The following ZC2HC1B variants were observed in gnomAD, a reference collection of about 807,000 sequenced individuals.
ZC2HC1B encodes the protein zinc finger C2HC-type containing 1B.
Under a neutral mutation model 31.0 loss-of-function variants are expected in ZC2HC1B, and 36 were observed. That is an observed-to-expected ratio of 1.16 (90% CI 0.89 to 1.54). ZC2HC1B has a LOEUF of 1.54. ZC2HC1B is among the 40% of genes most tolerant of loss of function. ZC2HC1B has a pLI of 0.00. For missense variants in ZC2HC1B, 260 were observed against 268.6 expected (o/e 0.97, Z 0.22); for synonymous variants, 73 against 88.0 (o/e 0.83, Z 0.95).
In ZC2HC1B at chr6:143,913,212, G is replaced by T. The variant is rs1432553528; in HGVS notation, c.598+10060G>T. On this transcript the variant is annotated intron_variant, in intron 6 of 7. Transcript: ENST00000237275. This position sits in a 1 kb window ranked among gnomAD's most constrained non-coding sequence, Gnocchi z 5.7. Reference sequence around the variant, plus strand: ...ATGTGCAGGCAGGTGTGGCTGGAGTGTCCAGCTAGAAGGTTCTACCCAGTG... The same window carrying T: ...ATGTGCAGGCAGGTGTGGCTGGAGTTTCCAGCTAGAAGGTTCTACCCAGTG... Among the ~76,000 whole-genome samples, 5 of 152,162 alleles carry T rather than the reference G, an allele frequency of 3.3e-5. No individual in the cohort carries two copies. The East Asian group carries it at 9.7e-4, about 29-fold the overall frequency.
chr6:143,897,595 C>G (rs1777682306), intron 4 of ZC2HC1B, among the ~76,000 whole-genome samples: 1 of 151,256 alleles, frequency 6.6e-6, no homozygotes, highest in Non-Finnish European at 1.5e-5. Flanking sequence ...GGTGAACTTT[C>G]CTATCATCCC....
chr6:143,926,800 A>C (rs1459878734), intron 6 of ZC2HC1B, among the ~76,000 whole-genome samples: 1 of 146,556 alleles, frequency 6.8e-6, no homozygotes, highest in Non-Finnish European at 1.5e-5. Flanking sequence ...TCTGGTGTTA[A>C]GTTCATATAT....
chr6:143,935,944 CT>C (rs1365305486), intron 6 of ZC2HC1B, among the ~76,000 whole-genome samples: 4 of 152,022 alleles, frequency 2.6e-5, no homozygotes, highest in African/African-American at 7.2e-5. Context: ...GCCACTGCCC[CT>C]GTCTTCTTTT....
chr6:143,886,654 G>A lies in ZC2HC1B; in HGVS notation c.211-29G>A. 3 of 1,509,862 alleles carry A rather than the reference G, an allele frequency of 2.0e-6. No individual in the cohort carries two copies. The highest frequency in any genetic ancestry group is 2.5e-5 in the East Asian group (1 of 39,294). 93.5% of individuals were successfully genotyped at this position (1,509,862 alleles called of 1,614,324 possible). ...GTAATGGAGAGGTATATAGTCTAGG[G>A]TATTATTTGTTGGTTTTATTTTTTA... On this transcript the variant is annotated intron_variant, in intron 3 of 7. Coordinates refer to ENST00000237275, the MANE Select transcript of ZC2HC1B (RefSeq NM_001013623.3). The surrounding 1 kb of genome is among the most constrained non-coding windows in gnomAD (Gnocchi z 4.2).
Position 143,911,570 on chromosome 6 carries a change from T to C in ZC2HC1B, c.598+8418T>C, listed in dbSNP as rs1777856590. 6.6e-6 allele frequency among the ~76,000 whole-genome samples: 1 copy of C among 152,222 alleles called. No individual in the cohort carries two copies. ...ATGAAATTCTGGGTTGGAAATTCTT[T>C]TCTTTAAGAATGTTGAATTTTGGCC... On this transcript the variant is annotated intron_variant, in intron 6 of 7. Transcript: ENST00000237275. This position sits in a 1 kb window ranked among gnomAD's most constrained non-coding sequence, Gnocchi z 4.5.
In ZC2HC1B at chr6:143,872,828, C is replaced by A. The variant is rs943661270; in HGVS notation, c.28+8261C>A. ...CCATTTAGTTATCTTCCTCTGGGTC[C>A]CTCCCACAACACACAAGAATTCTGG... On this transcript the variant is annotated intron_variant, in intron 1 of 7. Coordinates refer to ENST00000237275, the MANE Select transcript of ZC2HC1B (RefSeq NM_001013623.3). The surrounding 1 kb of genome is among the most constrained non-coding windows in gnomAD (Gnocchi z 5.5). 2.6e-5 allele frequency among the ~76,000 whole-genome samples: 4 copies of A among 152,076 alleles called. No individual in the cohort carries two copies. The highest frequency in any genetic ancestry group is 2.0e-4 in the Admixed American group (3 of 15,268).
chr6:143,886,611 C>T lies in ZC2HC1B; in HGVS notation c.211-72C>T. 7.5e-7 allele frequency: 1 copy of T among 1,340,864 alleles called. No individual in the cohort carries two copies. The highest frequency in any genetic ancestry group is 9.7e-7 in the Non-Finnish European group (1 of 1,034,558). 83.1% of individuals were successfully genotyped at this position (1,340,864 alleles called of 1,614,324 possible). On this transcript the variant is annotated intron_variant, in intron 3 of 7. Coordinates refer to ENST00000237275, the MANE Select transcript of ZC2HC1B (RefSeq NM_001013623.3). The surrounding 1 kb of genome is among the most constrained non-coding windows in gnomAD (Gnocchi z 4.2). ...GTTCTGTTTCCTGTGAATTCAAATT[C>T]CAGCTTTAAACAAAATTGTAATGGA...
intron 1 of ZC2HC1B, 43 bp downstream of exon 1, chr6:143,864,610 T>A: frequency 6.5e-7 from 1 of 1,547,654 alleles, no homozygotes; most frequent in Non-Finnish European, 8.7e-7. Flanking sequence ...AATGCCTTCA[T>A]CTGTAATCAT....
At chr6:143,920,056 C>A (rs999454609) in intron 6 of ZC2HC1B, among the ~76,000 whole-genome samples, 3 of 151,928 alleles carry the variant, frequency 2.0e-5, no homozygotes, top group Non-Finnish European at 4.4e-5. Context: ...TACCAATAAG[C>A]TTTTTTCTAA....
chr6:143,937,594 T>C (rs1229190168), intron 6 of ZC2HC1B, 55 bp from the exon 7 acceptor site: 29 of 1,461,230 alleles, frequency 2.0e-5, no homozygotes, highest in Non-Finnish European at 2.7e-5. Context: ...CATGTCTTTT[T>C]TTCTTGGTAA....
rs1778144968 is a variant in ZC2HC1B, at chr6:143,933,452, T to C, written c.599-4197T>C. ...ACTATTGGACCGGGTAGAGAAATAC[T>C]ATCAGGTGCAGGCAGGATTAGGTAG... On this transcript the variant is annotated intron_variant, in intron 6 of 7. Transcript: ENST00000237275. This position sits in a 1 kb window ranked among gnomAD's most constrained non-coding sequence, Gnocchi z 6.4. Among the ~76,000 whole-genome samples, 1 of 152,162 alleles carries C rather than the reference T, an allele frequency of 6.6e-6. No homozygotes were observed. Among genetic ancestry groups the C allele is most frequent in the South Asian group, 2.1e-4 (1 of 4,832 alleles).
In ZC2HC1B at chr6:143,879,759, T is replaced by C. The variant is rs1394640524; in HGVS notation, c.29-4545T>C. Among the ~76,000 whole-genome samples, 10 of 150,398 alleles carry C rather than the reference T, an allele frequency of 6.6e-5. No homozygotes were observed. In the East Asian group the frequency reaches 2.0e-3, roughly 29 times the overall value. ...CAATTTTAATCTAACCCTAATTCTC[T>C]CCATGCTTCTTTGTAATGTTTGTTT... On this transcript the variant is annotated intron_variant, in intron 1 of 7. Coordinates refer to ENST00000237275, the MANE Select transcript of ZC2HC1B (RefSeq NM_001013623.3).
At chr6:143,929,705 T>TTTG (rs141901686) in intron 6 of ZC2HC1B, among the ~76,000 whole-genome samples, 75 of 152,158 alleles carry the variant, frequency 4.9e-4, no homozygotes, top group African/African-American at 1.5e-3. Flanking sequence ...CCTGGGCTCT[T>TTTG]TTGTTGTTGT....
intron 1 of ZC2HC1B, among the ~76,000 whole-genome samples, chr6:143,874,697 A>C (rs1777385591): frequency 6.6e-6 from 1 of 152,202 alleles, no homozygotes; most frequent in South Asian, 2.1e-4. Flanking sequence ...ACAGCATGGG[A>C]AAGACCAGCC....
rs1411663437 is a variant in ZC2HC1B, at chr6:143,898,677, G to T, written c.475G>T (p.Ala159Ser). 6.4e-7 allele frequency: 1 copy of T among 1,551,918 alleles called. No individual in the cohort carries two copies. The highest frequency in any genetic ancestry group is 1.4e-5 in the African/African-American group (1 of 73,030). The change falls in exon 5 of 8, where the codon GCA (alanine) becomes TCA (serine). Residue 159 changes from alanine (A) to serine (S), a missense_variant. Physicochemically the swap from Ala to Ser is moderately conservative, Grantham distance 99. Transcript: ENST00000237275. Reference sequence around the variant, plus strand: ...TCCAGCTCAGACAGCAGCCAAATTGGCATCCAGAGCTCAGGTAACTATCTC... The same window carrying T: ...TCCAGCTCAGACAGCAGCCAAATTGTCATCCAGAGCTCAGGTAACTATCTC... ...FNPAQTAAKL[A>S]SRAQGRAQMG...
chr6:143,898,498 T>A, intron 4 of ZC2HC1B, 54 bp from the exon 5 acceptor site: 2 of 1,522,930 alleles, frequency 1.3e-6, no homozygotes, highest in Non-Finnish European at 1.8e-6. Context: ...TCTATAGTAT[T>A]CTATAGTTGT....
chr6:143,926,119 T>A (rs1026891834), intron 6 of ZC2HC1B, among the ~76,000 whole-genome samples: 3 of 152,180 alleles, frequency 2.0e-5, no homozygotes, highest in African/African-American at 4.8e-5. Flanking sequence ...CTCTATTACA[T>A]TTAGTTCTGC....
intron 1 of ZC2HC1B, chr6:143,881,550 C>CAAAAAAAAAAAAAAAAAAAAAAAAAAA (rs1174647223): frequency 2.9e-5 from 1 of 34,452 alleles, no homozygotes; most frequent in Non-Finnish European, 6.4e-5. Context: ...GACCCTGTCT[C>CAAAAAAAAAAAAAAAAAAAAAAAAAAA]AAAAAAAAAA....
chr6:143,909,736 C>T (rs190021690), intron 6 of ZC2HC1B, among the ~76,000 whole-genome samples: 1 of 152,162 alleles, frequency 6.6e-6, no homozygotes, highest in African/African-American at 2.4e-5. Flanking sequence ...GTTTGTATCT[C>T]TGTGGGGTCA....
Sources: gnomAD v4.1 joint callset for allele counts (sites outside exome capture counted in the v4.1 genomes callset) on GRCh38, gnomAD v4.1.1 for gene constraint, Gnocchi (gnomAD v3.1) non-coding constraint, MANE v1.5 for transcripts, NCBI Gene and HGNC (gene_info 2026-07-23, HGNC 2026-07-21) for gene names.